The following ZC2HC1A variants were observed in gnomAD, a reference collection of about 807,000 sequenced individuals.
ZC2HC1A encodes zinc finger C2HC-type containing 1A, also known as zinc finger C2HC domain-containing protein 1A.
A neutral mutation model predicts 40.7 loss-of-function variants in ZC2HC1A; 28 were observed. That is an observed-to-expected ratio of 0.69 (90% CI 0.51 to 0.94). ZC2HC1A has a LOEUF of 0.94. Among genes scored for constraint, ZC2HC1A ranks in the 40% least tolerant of loss-of-function variants. The pLI is 0.00. For synonymous variants in ZC2HC1A, 129 were observed against 129.2 expected (o/e 1.00, Z 0.01); for missense variants, 389 against 386.3 (o/e 1.01, Z -0.06).
At chr8:78,716,420 GC>G (rs1811106094) in intron 8 of ZC2HC1A, among the ~76,000 whole-genome samples, 1 of 152,024 alleles carries the variant, frequency 6.6e-6, no homozygotes, top group Admixed American at 6.6e-5. Context: ...ACCGCACCCG[GC>G]CTAGTATGTT....
intron 8 of ZC2HC1A, 30 bp downstream of exon 8, chr8:78,715,358 A>G: frequency 1.3e-6 from 2 of 1,567,214 alleles, no homozygotes; most frequent in East Asian, 2.3e-5. Flanking sequence ...CCCAATAACT[A>G]AAATAAAATT....
chr8:78,711,905 A>G, intron 7 of ZC2HC1A: 1 of 779,344 alleles, frequency 1.3e-6, no homozygotes, highest in Non-Finnish European at 1.9e-6. Flanking sequence ...ATATCTGATG[A>G]ACCAGAATAA....
intron 3 of ZC2HC1A, among the ~76,000 whole-genome samples, chr8:78,679,774 C>T (rs1809706888): frequency 6.6e-6 from 1 of 152,078 alleles, no homozygotes. Flanking sequence ...ATTAATCTTA[C>T]TAATAAAAAA....
intron 7 of ZC2HC1A, among the ~76,000 whole-genome samples, chr8:78,705,371 T>C (rs1463643838): frequency 6.6e-6 from 1 of 152,210 alleles, no homozygotes; most frequent in Non-Finnish European, 1.5e-5. Flanking sequence ...CAGTCACTAG[T>C]CACCTTGGAT....
chr8:78,688,436 A>T (rs1260564640), intron 4 of ZC2HC1A, among the ~76,000 whole-genome samples: 1 of 152,172 alleles, frequency 6.6e-6, no homozygotes, highest in Non-Finnish European at 1.5e-5. Context: ...ATGAATATAA[A>T]TTGAAAAGGG....
At chr8:78,714,262 G>A (rs1236414064) in intron 7 of ZC2HC1A, among the ~76,000 whole-genome samples, 1 of 152,076 alleles carries the variant, frequency 6.6e-6, no homozygotes, top group Non-Finnish European at 1.5e-5. Context: ...TGTCTTATCT[G>A]TAAATGGAGT....
At chr8:78,670,883 GCTGAAAAGGGTAAATCTT>G (rs1809422635) in intron 1 of ZC2HC1A, among the ~76,000 whole-genome samples, 1 of 152,168 alleles carries the variant, frequency 6.6e-6, no homozygotes, top group South Asian at 2.1e-4. Flanking sequence ...TCTAGGATGA[GCTGAAAAGGGTAAATCTT>G]CTGAGACACT....
At chr8:78,709,221 C>T (rs1439994089) in intron 7 of ZC2HC1A, among the ~76,000 whole-genome samples, 1 of 151,930 alleles carries the variant, frequency 6.6e-6, no homozygotes, top group Non-Finnish European at 1.5e-5. Flanking sequence ...TTAGAGCAAC[C>T]AAAGGCATGT....
rs946923379 is a variant in ZC2HC1A at position 78,715,226 on chromosome 8, A to T, written c.710A>T (p.Asn237Ile). ...ATTTTTCCTCTTTTTTATAGAGCTA[A>T]TGTCAAACCCCGAAATTCCACACCA... ...KGIAAPHAGA[N>I]VKPRNSTPPS... is the part of the protein sequence containing the mutation. The change falls in exon 8 of 9, where the codon AAT becomes ATT. Residue 237 changes from asparagine (N) to isoleucine (I), a missense_variant. Coordinates refer to ENST00000263849, the MANE Select transcript of ZC2HC1A (RefSeq NM_016010.3). 6.2e-7 allele frequency: 1 copy of T among 1,613,318 alleles called. No individual in the cohort carries two copies. Among genetic ancestry groups the T allele is most frequent in the African/African-American group, 1.3e-5 (1 of 74,868 alleles).
At chr8:78,688,870 G>T (rs1421022797) in intron 4 of ZC2HC1A, among the ~76,000 whole-genome samples, 8 of 151,964 alleles carry the variant, frequency 5.3e-5, no homozygotes, top group Admixed American at 5.2e-4. Context: ...TAACTAGTCT[G>T]CTATATAAAG....
intron 7 of ZC2HC1A, among the ~76,000 whole-genome samples, chr8:78,699,417 A>G (rs1470309275): frequency 1.3e-5 from 2 of 152,194 alleles, no homozygotes; most frequent in African/African-American, 2.4e-5. Context: ...ATATCTTTAC[A>G]TATACTGGTT....
At chr8:78,690,530 A>G (rs1432878152) in intron 5 of ZC2HC1A, among the ~76,000 whole-genome samples, 1 of 151,666 alleles carries the variant, frequency 6.6e-6, no homozygotes, top group Non-Finnish European at 1.5e-5. Flanking sequence ...ACTGCACTCC[A>G]GCTTGGGCGA....
chr8:78,677,300 A>C (rs1323006932), intron 2 of ZC2HC1A, among the ~76,000 whole-genome samples: 1 of 152,096 alleles, frequency 6.6e-6, no homozygotes, highest in Admixed American at 6.6e-5. Context: ...GACAGCTTCC[A>C]TTCTAATGTC....
intron 4 of ZC2HC1A, 142 bp downstream of exon 4, chr8:78,686,750 G>A: frequency 1.2e-6 from 1 of 835,466 alleles, no homozygotes; most frequent in Admixed American, 4.2e-5. Context: ...TAAAATGGTG[G>A]TGGTAATCTA....
intron 7 of ZC2HC1A, among the ~76,000 whole-genome samples, chr8:78,708,086 ATTAC>A (rs1489784393): frequency 1.3e-5 from 2 of 152,206 alleles, no homozygotes; most frequent in Non-Finnish European, 2.9e-5. Context: ...CAGTGAAAGA[ATTAC>A]TTAAAGTTTG....
intron 1 of ZC2HC1A, among the ~76,000 whole-genome samples, chr8:78,667,195 AC>A (rs1336846630): frequency 6.6e-6 from 1 of 152,144 alleles, no homozygotes; most frequent in African/African-American, 2.4e-5. Context: ...TTTTTCAGTC[AC>A]CTATTCACCA....
intron 4 of ZC2HC1A, among the ~76,000 whole-genome samples, chr8:78,687,614 A>G (rs909960755): frequency 7.4e-6 from 1 of 135,716 alleles, no homozygotes; most frequent in Non-Finnish European, 1.5e-5. Context: ...ATAATACATT[A>G]TATATATTTA....
chr8:78,666,585 G>A (rs1809305845), intron 1 of ZC2HC1A, among the ~76,000 whole-genome samples: 1 of 152,126 alleles, frequency 6.6e-6, no homozygotes, highest in Non-Finnish European at 1.5e-5. Context: ...GCAGCCCCGG[G>A]GTGTGTCTCC....
intron 1 of ZC2HC1A, among the ~76,000 whole-genome samples, chr8:78,672,263 A>G (rs1322624999): frequency 6.6e-6 from 1 of 152,180 alleles, no homozygotes; most frequent in Non-Finnish European, 1.5e-5. Flanking sequence ...ATCCAGGCAC[A>G]TGATGATTAT....
Sources: gnomAD v4.1 joint callset for allele counts (sites outside exome capture counted in the v4.1 genomes callset) on GRCh38, gnomAD v4.1.1 for gene constraint, MANE v1.5 for transcripts, NCBI Gene and HGNC (gene_info 2026-07-23, HGNC 2026-07-21) for gene names.